The following KIF18B variants were observed in gnomAD, a reference collection of about 807,000 sequenced individuals.
KIF18B encodes the protein kinesin family member 18B, also known as kinesin-like protein KIF18B.
A neutral mutation model predicts 80.9 loss-of-function variants in KIF18B; 49 were observed. That is an observed-to-expected ratio of 0.61 (90% CI 0.48 to 0.77). The LOEUF (loss-of-function observed/expected upper bound fraction) is 0.77, where lower values mean the gene tolerates loss of function less well. KIF18B is among the 30% of genes least tolerant of loss of function. The pLI is 0.00. For missense variants in KIF18B, 994 were observed against 1,127.7 expected, an observed-to-expected ratio of 0.88 and a Z score of 1.70; for synonymous variants, 439 against 463.9, an observed-to-expected ratio of 0.95 and a Z score of 0.69.
intron 7 of KIF18B, 123 bp from the exon 8 acceptor site, chr17:44,933,109 G>C: frequency 1.3e-6 from 1 of 791,534 alleles, no homozygotes; most frequent in South Asian, 1.7e-5. Flanking sequence ...CTCGCAAGTG[G>C]GGAGACACAG....
chr17:44,935,950 C>T lies in KIF18B; in HGVS notation c.313+82G>A, dbSNP rs1467933721. ...GTGCCCAGCTTGGGGGAGGCGGGCA[C>T]ATGCCAGAAGACACATGAAACCCTT... On this transcript the variant is annotated intron_variant, in intron 2 of 15. Coordinates refer to ENST00000593135, the MANE Select transcript of KIF18B (RefSeq NM_001265577.2). 1.1e-5 allele frequency: 15 copies of T among 1,310,050 alleles called. 1 individual carries two copies. The highest frequency in any genetic ancestry group is 2.2e-4 in the Middle Eastern group (1 of 4,500). The allele number at this position is 1,310,050 out of a possible 1,614,324, so 81.2% of individuals were successfully genotyped here.
chr17:44,932,523 T>C, intron 9 of KIF18B, 150 bp downstream of exon 9: 1 of 631,522 alleles, frequency 1.6e-6, no homozygotes, highest in Non-Finnish European at 2.8e-6. Flanking sequence ...TGACAGTCAG[T>C]TGCTGGGCAG....
rs748166670 is a variant in KIF18B at position 44,936,144 on chromosome 17, G to A, written c.201C>T (p.Asp67=). 3 of 1,613,734 alleles carry A rather than the reference G, an allele frequency of 1.9e-6. No homozygotes were observed. In the Admixed American group the frequency reaches 5.0e-5, roughly 27 times the overall value. The change falls in exon 2 of 16, where the codon GAC becomes GAT. Residue 67 remains aspartate, a synonymous_variant. Transcript: ENST00000593135. ...AGACCCGGTCAAAGACAAACGTCAG[G>A]TCTTTGCCCTTCTTCTTGGGGCCAT... is the stretch of plus-strand genomic sequence containing the variant. ...THDGPKKKGK[D]LTFVFDRVFG...
chr17:44,932,257 A>C, intron 9 of KIF18B, 51 bp from the exon 10 acceptor site: 1 of 1,522,916 alleles, frequency 6.6e-7, no homozygotes. Context: ...GCGGGAAAGG[A>C]GGGTTTGAGA....
rs2145689749 is a variant in KIF18B, at chr17:44,932,148, C to T, written c.1297G>A (p.Gly433Arg). The change falls in exon 10 of 16, where the codon GGG becomes AGG. Residue 433 changes from glycine (G) to arginine (R), a missense_variant. Gly to Arg is a moderately radical substitution (Grantham distance 125, BLOSUM62 -2). Transcript: ENST00000593135. ...GPRALQEESLGMEAQVERAME... is the reference protein window; with the variant it reads ...GPRALQEESLRMEAQVERAME... ...GCCCTCTCCACCTGGGCCTCCATCC[C>T]CAGACTCTCCTCTTGAAGGGCTCTA... 6.2e-7 allele frequency: 1 copy of T among 1,613,768 alleles called. No homozygotes were observed. Among genetic ancestry groups the T allele is most frequent in the Non-Finnish European group, 8.5e-7 (1 of 1,179,808 alleles).
At position 44,928,230 on chromosome 17, in the gene KIF18B, G is replaced by A. The variant is rs1373236107; in HGVS notation, c.2072C>T (p.Pro691Leu). Residue 691 changes from proline to leucine, a missense_variant, in exon 13 of 16, where the codon CCA becomes CTA. By Grantham distance (98) the Pro-to-Leu change is moderately conservative. Coordinates refer to ENST00000593135, the MANE Select transcript of KIF18B (RefSeq NM_001265577.2). ...SSPCHSPRVCPATVIKSRVPL... is the reference protein window; with the variant it reads ...SSPCHSPRVCLATVIKSRVPL... ...CACCCGGCTTTTGATGACTGTGGCTGGGCAAACGCGAGGGGAATGGCAGGG... is the reference window on the plus strand; with the variant it reads ...CACCCGGCTTTTGATGACTGTGGCTAGGCAAACGCGAGGGGAATGGCAGGG... 2 of 1,613,440 alleles carry A rather than the reference G, an allele frequency of 1.2e-6. No homozygotes were observed. The highest frequency in any genetic ancestry group is 1.7e-6 in the Non-Finnish European group (2 of 1,179,672).
Position 44,934,454 on chromosome 17 carries a change from G to A in KIF18B, c.688-24C>T, listed in dbSNP as rs975830193. The A allele has an allele frequency of 3.1e-6, 5 of 1,603,374 alleles. No individual in the cohort carries two copies. Among genetic ancestry groups the A allele is most frequent in the Admixed American group, 1.7e-5 (1 of 58,852 alleles). On this transcript the variant is annotated intron_variant, in intron 5 of 15. Transcript: ENST00000593135. This position sits in a 1 kb window ranked among gnomAD's most constrained non-coding sequence, Gnocchi z 5.4. ...ATCTGAAGGCAGATGGCAGGGGTGA[G>A]GGGGAGATGGGCATCAGGGGCACTG...
At position 44,934,660 on chromosome 17, in the gene KIF18B, T is replaced by C; in HGVS notation, c.577-43A>G. On this transcript the variant is annotated intron_variant, in intron 4 of 15. Coordinates refer to ENST00000593135, the MANE Select transcript of KIF18B (RefSeq NM_001265577.2). The surrounding 1 kb of genome is among the most constrained non-coding windows in gnomAD (Gnocchi z 5.4). ...AGGAACGGGGCTGTGGGTTCCCGGA[T>C]CAGGACTTTTCCCCTAACAGGAAGG... 1.3e-6 allele frequency: 2 copies of C among 1,487,032 alleles called. No homozygotes were observed. Among genetic ancestry groups the C allele is most frequent in the Non-Finnish European group, 1.8e-6 (2 of 1,102,584 alleles). 92.1% of individuals were successfully genotyped at this position (1,487,032 alleles called of 1,614,324 possible).
At chr17:44,938,017 C>CAT (rs566922562) in intron 1 of KIF18B, among the ~76,000 whole-genome samples, 4 of 132,062 alleles carry the variant, frequency 3.0e-5, no homozygotes, top group Admixed American at 7.3e-5. Context: ...CACACACACA[C>CAT]ATATATATTT....
intron 7 of KIF18B, among the ~76,000 whole-genome samples, chr17:44,933,678 AGATG>A (rs1006690378): frequency 6.6e-6 from 1 of 151,976 alleles, no homozygotes; most frequent in African/African-American, 2.4e-5. Flanking sequence ...TTTTTAGTAG[AGATG>A]GGGTTTCATC....
chr17:44,926,272 T>C lies in KIF18B; in HGVS notation c.2453-86A>G, dbSNP rs2052023536. 3 of 1,589,348 alleles carry C rather than the reference T, an allele frequency of 1.9e-6. No individual in the cohort carries two copies. The African/African-American group carries it at 4.0e-5, about 21-fold the overall frequency. ...CCCGTCCTCCAGCCCACCTCCCACCTGTCTCATCAGCAGCATCCCTGAGAT... is the reference window on the plus strand; with the variant it reads ...CCCGTCCTCCAGCCCACCTCCCACCCGTCTCATCAGCAGCATCCCTGAGAT... On this transcript the variant is annotated intron_variant, in intron 15 of 15. Transcript: ENST00000593135.
intron 1 of KIF18B, among the ~76,000 whole-genome samples, chr17:44,937,513 T>C (rs539101815): frequency 6.6e-6 from 1 of 152,322 alleles, no homozygotes; most frequent in East Asian, 1.9e-4. Context: ...ACTTAATTGC[T>C]CCCGTGGATG....
chr17:44,936,616 A>G (rs1189322103), intron 1 of KIF18B, among the ~76,000 whole-genome samples: 1 of 79,786 alleles, frequency 1.3e-5, no homozygotes, highest in Non-Finnish European at 2.3e-5. Context: ...ATATATATAT[A>G]TATATATATT....
intron 11 of KIF18B, 131 bp downstream of exon 11, chr17:44,931,471 A>G (rs2052144295): frequency 8.3e-7 from 1 of 1,207,134 alleles, no homozygotes; most frequent in Admixed American, 1.8e-5. Flanking sequence ...AAGGAGGTGA[A>G]ACCAGGTAAA....
chr17:44,939,386 A>AG (rs2052374175), intron 1 of KIF18B, among the ~76,000 whole-genome samples: 1 of 150,652 alleles, frequency 6.6e-6, no homozygotes, highest in African/African-American at 2.4e-5. Context: ...AAAAAAAAAA[A>AG]AAAAAAGAAA....
chr17:44,928,319 C>A lies in KIF18B; in HGVS notation c.1983G>T (p.Gly661=), dbSNP rs2145672157. 3 of 1,612,564 alleles carry A rather than the reference C, an allele frequency of 1.9e-6. No homozygotes were observed. Among genetic ancestry groups the A allele is most frequent in the East Asian group, 2.2e-5 (1 of 44,858 alleles). Residue 661 remains glycine (G), a synonymous_variant, in exon 13 of 16, where the codon GGG becomes GGT. Transcript: ENST00000593135. ...GTGAAGGTTGGGTGTCAGGCAGAGACCCTCTCCTTAGGCAGGGCAGGAAGG... is the reference window on the plus strand; with the variant it reads ...GTGAAGGTTGGGTGTCAGGCAGAGAACCTCTCCTTAGGCAGGGCAGGAAGG... ...RQSFLPCLRR[G]SLPDTQPSQG... is the part of the protein sequence containing the mutation.
At position 44,934,031 on chromosome 17, in the gene KIF18B, G is replaced by A; in HGVS notation, c.954C>T (p.Gly318=). The A allele has an allele frequency of 1.2e-6, 2 of 1,612,092 alleles. No homozygotes were observed. ...LTRLLKDSLG[G]NCRTVMIAAI... ...CAGCGATCATCACTGTGCGGCAGTT[G>A]CCCCCGAGGGAGTCTTTGAGCAGGC... Residue 318 remains glycine (G), a synonymous_variant, in exon 7 of 16, where the codon GGC becomes GGT. Transcript: ENST00000593135. This position sits in a 1 kb window ranked among gnomAD's most constrained non-coding sequence, Gnocchi z 5.4.
Position 44,925,854 on chromosome 17 carries a change from ATG to A in KIF18B, c.*224_*225del. On this transcript the variant is annotated 3_prime_UTR_variant, in exon 16 of 16. Transcript: ENST00000593135. ...AGCACATTAACACTCACAAATGAAT[ATG>A]TACATGCCAAGAAGCTGAGTGTAAC... The A allele has an allele frequency of 1.7e-6, 1 of 589,772 alleles. No homozygotes were observed. 36.5% of individuals were successfully genotyped at this position (589,772 alleles called of 1,614,324 possible).
At chr17:44,942,020 C>A (rs539612039) in intron 1 of KIF18B, among the ~76,000 whole-genome samples, 1 of 152,276 alleles carries the variant, frequency 6.6e-6, no homozygotes, top group African/African-American at 2.4e-5. Flanking sequence ...TGCCTGGGTC[C>A]TGGTCCCTGT....
Sources: allele counts gnomAD v4.1 joint callset (sites outside exome capture counted in the v4.1 genomes callset), GRCh38; gene constraint gnomAD v4.1.1; non-coding constraint Gnocchi (gnomAD v3.1); transcripts MANE v1.5; gene names NCBI Gene and HGNC (gene_info 2026-07-23, HGNC 2026-07-21).